Variants in SZT2 observed in about 807,000 individuals in gnomAD.
SZT2 encodes KICSTOR complex protein SZT2.
Under a neutral mutation model 404.2 loss-of-function variants are expected in SZT2, and 216 were observed. That is an observed-to-expected ratio of 0.53 (90% CI 0.48 to 0.60). The LOEUF (loss-of-function observed/expected upper bound fraction) is 0.60. SZT2 is among the 20% of genes least tolerant of loss of function. The pLI, the probability that SZT2 is intolerant of heterozygous loss-of-function variation, is 0.00. For missense variants in SZT2, 3,857 were observed against 4,459.2 expected, an observed-to-expected ratio of 0.86 and a Z score of 3.85; for synonymous variants, 1,693 against 1,749.9, an observed-to-expected ratio of 0.97 and a Z score of 0.81.
intron 34 of SZT2, 43 bp downstream of exon 34, chr1:43,431,415 A>AT: frequency 6.2e-7 from 1 of 1,613,660 alleles, no homozygotes; most frequent in Non-Finnish European, 8.5e-7. Context: ...CTGCTTTTCA[A>AT]TTTCATTTTC....
At chr1:43,402,199 G>A (rs1048195432) in intron 1 of SZT2, among the ~76,000 whole-genome samples, 6 of 152,212 alleles carry the variant, frequency 3.9e-5, no homozygotes, top group African/African-American at 9.7e-5. Flanking sequence ...GGACACAGGA[G>A]GAGAAATTTG....
Position 43,424,443 on chromosome 1 carries a change from C to A in SZT2, c.2471+11C>A. 1 of 1,596,450 alleles carries A rather than the reference C, an allele frequency of 6.3e-7. No homozygotes were observed. Among genetic ancestry groups the A allele is most frequent in the South Asian group, 1.1e-5 (1 of 91,012 alleles). On this transcript the variant is annotated intron_variant, in intron 16 of 71. Coordinates refer to ENST00000634258, the MANE Select transcript of SZT2 (RefSeq NM_001365999.1). The surrounding 1 kb of genome is among the most constrained non-coding windows in gnomAD (Gnocchi z 4.1). Reference sequence around the variant, plus strand: ...CTCCATCCTCACTGAGTATGTCATCCAAGCCTGCCAGGTCACTCGGGGCAA... The same window carrying A: ...CTCCATCCTCACTGAGTATGTCATCAAAGCCTGCCAGGTCACTCGGGGCAA...
intron 1 of SZT2, among the ~76,000 whole-genome samples, chr1:43,398,725 G>T (rs1336196143): frequency 2.0e-5 from 3 of 152,132 alleles, no homozygotes; most frequent in Non-Finnish European, 4.4e-5. Flanking sequence ...AATTTGATGG[G>T]ACTTTTCGAT....
At chr1:43,421,765 G>A (rs1652391561) in intron 11 of SZT2, among the ~76,000 whole-genome samples, 1 of 152,230 alleles carries the variant, frequency 6.6e-6, no homozygotes, top group African/African-American at 2.4e-5. Context: ...TTATGCTAGT[G>A]TGCAGTGGCC....
chr1:43,438,769 C>T lies in SZT2; in HGVS notation c.6579C>T (p.Ile2193=). Residue 2193 remains isoleucine (I), a synonymous_variant, in exon 47 of 72, where the codon ATC becomes ATT. Coordinates refer to ENST00000634258, the MANE Select transcript of SZT2 (RefSeq NM_001365999.1). ...TGGATGAGGCCACGCTGGACGTCATCACAGTTATGCTTGTTCGGAACTGCA... is the reference window on the plus strand; with the variant it reads ...TGGATGAGGCCACGCTGGACGTCATTACAGTTATGCTTGTTCGGAACTGCA... The part of the protein sequence containing the change: ...RRLDEATLDV[I]TVMLVRNCKL... 6.2e-7 allele frequency: 1 copy of T among 1,614,108 alleles called. No homozygotes were observed. Among genetic ancestry groups the T allele is most frequent in the East Asian group, 2.2e-5 (1 of 44,882 alleles).
chr1:43,432,033 T>C (rs1186635465), intron 36 of SZT2, 132 bp downstream of exon 36: 1 of 1,234,100 alleles, frequency 8.1e-7, no homozygotes, highest in Non-Finnish European at 1.1e-6. Flanking sequence ...GCTCACCACA[T>C]CATCTGCCCT....
rs1347221637 is a variant in SZT2 at position 43,431,532 on chromosome 1, C to T, written c.5088+9C>T. On this transcript the variant is annotated intron_variant, in intron 35 of 71. Transcript: ENST00000634258. Reference sequence around the variant, plus strand: ...AGACCACCATGAATGAGGTGAGCCCCCCACCCCCAACACTGTAACTGATTC... The same window carrying T: ...AGACCACCATGAATGAGGTGAGCCCTCCACCCCCAACACTGTAACTGATTC... The T allele has an allele frequency of 1.2e-6, 2 of 1,614,094 alleles. No homozygotes were observed. The highest frequency in any genetic ancestry group is 1.7e-6 in the Non-Finnish European group (2 of 1,179,968).
At chr1:43,408,654 C>A (rs1000929000) in intron 4 of SZT2, among the ~76,000 whole-genome samples, 5 of 152,108 alleles carry the variant, frequency 3.3e-5, no homozygotes, top group African/African-American at 1.2e-4. Flanking sequence ...TTTTTAATGT[C>A]CTGTTAACTT....
Position 43,446,278 on chromosome 1 carries a change from G to C in SZT2, c.8997+19G>C. On this transcript the variant is annotated intron_variant, in intron 64 of 71. Transcript: ENST00000634258. ...ATTCCAGGTAAGCAGGAGGAGCACT[G>C]AGTGGAGACAGCCAGACCCACCTGT... 1 of 1,614,254 alleles carries C rather than the reference G, an allele frequency of 6.2e-7. No homozygotes were observed. Among genetic ancestry groups the C allele is most frequent in the South Asian group, 1.1e-5 (1 of 91,084 alleles).
In SZT2 at chr1:43,450,649, C is replaced by G. The variant is rs1054332761; in HGVS notation, c.*169C>G. ...TTGAGGGTCTGCTGCCCCAGCCTGG[C>G]AGCAGGAACCGCCCTCCCCAAACAC... is the stretch of plus-strand genomic sequence containing the variant. On this transcript the variant is annotated 3_prime_UTR_variant, in exon 72 of 72. Coordinates refer to ENST00000634258, the MANE Select transcript of SZT2 (RefSeq NM_001365999.1). The surrounding 1 kb of genome is among the most constrained non-coding windows in gnomAD (Gnocchi z 4.3). 7 of 1,040,068 alleles carry G rather than the reference C, an allele frequency of 6.7e-6. No individual in the cohort carries two copies. The Admixed American group carries it at 9.7e-5, about 14-fold the overall frequency. 64.4% of individuals were successfully genotyped at this position (1,040,068 alleles called of 1,614,324 possible). A position where few individuals can be genotyped will look rare whatever the true frequency, so the allele number is the denominator to read the frequency against.
chr1:43,441,483 T>A lies in SZT2; in HGVS notation c.7512-21T>A, dbSNP rs1655054170. 6.2e-7 allele frequency: 1 copy of A among 1,611,890 alleles called. No individual in the cohort carries two copies. Among genetic ancestry groups the A allele is most frequent in the African/African-American group, 1.3e-5 (1 of 74,910 alleles). ...CAAGTGTCATGTATGGACATGAGGC[T>A]CTTACTCCCACTGTCTTCAGGCGCC... On this transcript the variant is annotated intron_variant, in intron 53 of 71. Transcript: ENST00000634258. The surrounding 1 kb of genome is among the most constrained non-coding windows in gnomAD (Gnocchi z 4.8).
chr1:43,392,606 G>C (rs1557495598), intron 1 of SZT2, among the ~76,000 whole-genome samples: 1 of 152,124 alleles, frequency 6.6e-6, no homozygotes, highest in Non-Finnish European at 1.5e-5. Context: ...AGTAAAGACG[G>C]GGTTTCACCG....
Position 43,432,747 on chromosome 1 carries a change from C to A in SZT2, c.5550C>A (p.Ser1850Arg). 1 of 1,613,876 alleles carries A rather than the reference C, an allele frequency of 6.2e-7. No individual in the cohort carries two copies. Among genetic ancestry groups the A allele is most frequent in the Non-Finnish European group, 8.5e-7 (1 of 1,179,902 alleles). ...ATCCAGGGAGTCAGCCTGGGCCCAG[C>A]CGGGGATTAAGTCTCATGTCCAGTC... is the stretch of plus-strand genomic sequence containing the variant. ...VPQGGSQPGP[S>R]RGLSLMSSQG... Residue 1850 changes from serine to arginine, a missense_variant, in exon 39 of 72, where the codon AGC (serine) becomes AGA (arginine). Transcript: ENST00000634258.
At chr1:43,440,071 G>A (rs750648445) in intron 51 of SZT2, 23 bp downstream of exon 51, 2 of 1,613,364 alleles carry the variant, frequency 1.2e-6, no homozygotes, top group Admixed American at 3.3e-5. Flanking sequence ...AGAGGTCCCT[G>A]GGGTCCAGAG....
intron 62 of SZT2, chr1:43,445,544 C>G (rs1655564660): frequency 3.0e-6 from 1 of 338,604 alleles, no homozygotes; most frequent in African/African-American, 2.1e-5. Context: ...GGTACCTAAC[C>G]AGGCATCAAG....
chr1:43,430,207 G>C, intron 30 of SZT2, 104 bp downstream of exon 30: 2 of 1,570,248 alleles, frequency 1.3e-6, no homozygotes, highest in Non-Finnish European at 1.8e-6. Context: ...CTCTTGTCTT[G>C]CCTTAGATCA....
rs538389448 is a variant in SZT2, at chr1:43,428,248, C to T, written c.3928C>T (p.Arg1310Cys). The stretch of plus-strand genomic sequence containing the variant: ...CCTTCCACTTCCATCAGGGCTATTC[C>T]GCAGCTTGCAGCAAGCACAGAGTGT... The part of the protein sequence containing the change: ...AQRCYVRGLF[R>C]SLQQAQSVTS... Residue 1310 changes from arginine (R) to cysteine (C), a missense_variant, in exon 28 of 72, where the codon CGC (arginine) becomes TGC (cysteine). Physicochemically the swap from Arg to Cys is radical, Grantham distance 180. Coordinates refer to ENST00000634258, the MANE Select transcript of SZT2 (RefSeq NM_001365999.1). 27 of 1,614,180 alleles carry T rather than the reference C, an allele frequency of 1.7e-5. No homozygotes were observed. The highest frequency in any genetic ancestry group is 1.6e-4 in the Middle Eastern group (1 of 6,062).
In SZT2 at chr1:43,454,097, AAGAGAG is replaced by A; in HGVS notation, c.*3620_*3625del. Reference sequence around the variant, plus strand: ...AGGGCCTGAGAGCCGGACGCGAAGCAAGAGAGAGCTGGCTGCCCGAGGGCCCGGTTG... The same window carrying A: ...AGGGCCTGAGAGCCGGACGCGAAGCAAGCTGGCTGCCCGAGGGCCCGGTTG... On this transcript the variant is annotated 3_prime_UTR_variant, in exon 72 of 72. Transcript: ENST00000634258. 2 of 1,085,206 alleles carry A rather than the reference AAGAGAG, an allele frequency of 1.8e-6. No individual in the cohort carries two copies. Among genetic ancestry groups the A allele is most frequent in the Non-Finnish European group, 2.2e-6 (2 of 892,042 alleles). The allele number at this position is 1,085,206 out of a possible 1,614,324, so 67.2% of individuals were successfully genotyped here.
At chr1:43,428,168 A>G in intron 27 of SZT2, 50 bp downstream of exon 27, 1 of 1,611,682 alleles carries the variant, frequency 6.2e-7, no homozygotes, top group South Asian at 1.1e-5. Flanking sequence ...CGGGAGATAC[A>G]GGGATTACAG....
Sources: allele counts gnomAD v4.1 joint callset (sites outside exome capture counted in the v4.1 genomes callset), GRCh38; gene constraint gnomAD v4.1.1; non-coding constraint Gnocchi (gnomAD v3.1); transcripts MANE v1.5; gene names NCBI Gene and HGNC (gene_info 2026-07-23, HGNC 2026-07-21).